The following ATP9A variants were observed in gnomAD, a reference collection of about 807,000 sequenced individuals.
The protein encoded by ATP9A is probable phospholipid-transporting ATPase IIA.
In ATP9A, 52 loss-of-function variants were observed where a neutral mutation model predicts 144.1. That is an observed-to-expected ratio of 0.36 (90% CI 0.29 to 0.45). ATP9A has a LOEUF of 0.45. Among genes scored for constraint, ATP9A ranks in the 20% least tolerant of loss-of-function variants. The pLI, the probability that ATP9A is intolerant of heterozygous loss-of-function variation, is 1.00. For missense variants in ATP9A, 947 were observed against 1,392.7 expected, an observed-to-expected ratio of 0.68 and a Z score of 5.09; for synonymous variants, 582 against 557.4, an observed-to-expected ratio of 1.04 and a Z score of -0.62.
At chr20:51,754,148 A>C (rs2077845778) in intron 1 of ATP9A, among the ~76,000 whole-genome samples, 1 of 152,138 alleles carries the variant, frequency 6.6e-6, no homozygotes, top group Non-Finnish European at 1.5e-5. Flanking sequence ...TGACAATTTA[A>C]GCTCAGTGTT....
At chr20:51,748,353 GGGA>G (rs781024159) in intron 1 of ATP9A, among the ~76,000 whole-genome samples, 34 of 152,268 alleles carry the variant, frequency 2.2e-4, no homozygotes, top group Non-Finnish European at 3.8e-4. Flanking sequence ...GAAGAGAGGA[GGGA>G]GGAGGAGAAA....
intron 1 of ATP9A, among the ~76,000 whole-genome samples, chr20:51,761,855 G>T (rs373014486): frequency 8.3e-4 from 127 of 152,208 alleles, no homozygotes; most frequent in African/African-American, 2.9e-3. Context: ...GGCCTCATGG[G>T]ACTAAAATCA....
intron 1 of ATP9A, among the ~76,000 whole-genome samples, chr20:51,763,866 CACA>C (rs1393882951): frequency 1.3e-5 from 2 of 152,124 alleles, no homozygotes; most frequent in Admixed American, 6.6e-5. Context: ...CCATCCTTGC[CACA>C]ACATCACACC....
chr20:51,741,929 G>C (rs1704066958), intron 1 of ATP9A, among the ~76,000 whole-genome samples: 1 of 152,190 alleles, frequency 6.6e-6, no homozygotes, highest in South Asian at 2.1e-4. Context: ...GAAGTATCCA[G>C]CCCAAAACGC....
In ATP9A at chr20:51,697,493, G is replaced by C. The variant is rs2077575561; in HGVS notation, c.437-11C>G. 6.2e-7 allele frequency: 1 copy of C among 1,612,504 alleles called. No homozygotes were observed. The highest frequency in any genetic ancestry group is 1.3e-5 in the African/African-American group (1 of 74,888). The stretch of plus-strand genomic sequence containing the variant: ...TCACCTTCACTGTGCCTGCAAAGCA[G>C]CAGGTTCAAGATACATCACCATCTT... On this transcript the variant is annotated splice_polypyrimidine_tract_variant and intron_variant, in intron 4 of 27. Coordinates refer to ENST00000338821, the MANE Select transcript of ATP9A (RefSeq NM_006045.3).
At chr20:51,755,233 C>T (rs913326277) in intron 1 of ATP9A, among the ~76,000 whole-genome samples, 5 of 151,208 alleles carry the variant, frequency 3.3e-5, no homozygotes, top group African/African-American at 9.7e-5. Flanking sequence ...GTCAGGAGTT[C>T]GAGACCAGCC....
Position 51,601,334 on chromosome 20 carries a change from G to A in ATP9A, c.3021C>T (p.Ile1007=), listed in dbSNP as rs778864183. The A allele has an allele frequency of 1.6e-5, 25 of 1,612,252 alleles. No individual in the cohort carries two copies. The East Asian group carries it at 1.8e-4, about 12-fold the overall frequency. The change falls in exon 28 of 28, where the codon ATC becomes ATT. Residue 1007 remains isoleucine (I), a synonymous_variant. Coordinates refer to ENST00000338821, the MANE Select transcript of ATP9A (RefSeq NM_006045.3). ...CTTTCCACAAGAATGACAAGGTGGCGATGAAGTACACATCTGCAAGGAAAG... is the reference window on the plus strand; with the variant it reads ...CTTTCCACAAGAATGACAAGGTGGCAATGAAGTACACATCTGCAAGGAAAG... ...FLHEFIDVYF[I]ATLSFLWKVS... is the part of the protein sequence containing the mutation.
chr20:51,627,170 G>A (rs960055317), intron 17 of ATP9A, among the ~76,000 whole-genome samples: 6 of 118,820 alleles, frequency 5.0e-5, no homozygotes, highest in African/African-American at 1.6e-4. Flanking sequence ...TAAGATGAAT[G>A]TTAAAAAAAA....
chr20:51,638,119 A>C (rs181388903), intron 15 of ATP9A, among the ~76,000 whole-genome samples: 1,391 of 101,438 alleles, frequency 0.014, 149 homozygotes, highest in African/African-American at 0.052. Context: ...ATATATATAT[A>C]TATATCTCAT....
chr20:51,615,705 C>T (rs138621539), intron 22 of ATP9A, among the ~76,000 whole-genome samples: 2,382 of 152,234 alleles, frequency 0.016, 29 homozygotes, highest in Non-Finnish European at 0.022. Context: ...GCACAATCTC[C>T]GCTCACTGCA....
chr20:51,608,358 C>T (rs367595537), intron 25 of ATP9A, among the ~76,000 whole-genome samples, 160 bp downstream of exon 25: 1 of 152,056 alleles, frequency 6.6e-6, no homozygotes, highest in Non-Finnish European at 1.5e-5. Context: ...ACTCCCACAC[C>T]TTCCCCCCAA....
At chr20:51,670,916 C>G (rs2077453051) in intron 12 of ATP9A, among the ~76,000 whole-genome samples, 199 bp downstream of exon 12, 1 of 152,190 alleles carries the variant, frequency 6.6e-6, no homozygotes, top group Non-Finnish European at 1.5e-5. Context: ...CGCACTGAAA[C>G]TCCCCAGAAT....
At chr20:51,641,473 G>A (rs1156414438) in intron 14 of ATP9A, among the ~76,000 whole-genome samples, 1 of 151,770 alleles carries the variant, frequency 6.6e-6, no homozygotes, top group African/African-American at 2.4e-5. Flanking sequence ...AGCCATAATG[G>A]TGCCACACTA....
chr20:51,604,701 TG>T, intron 27 of ATP9A, 115 bp downstream of exon 27: 1 of 933,798 alleles, frequency 1.1e-6, no homozygotes, highest in Non-Finnish European at 1.5e-6. Flanking sequence ...GAAGGACTGC[TG>T]GAGGAAGAGC....
In ATP9A at chr20:51,697,491, C is replaced by A. The variant is rs780712858; in HGVS notation, c.437-9G>T. On this transcript the variant is annotated splice_polypyrimidine_tract_variant and intron_variant, in intron 4 of 27. Transcript: ENST00000338821. ...CTTCACCTTCACTGTGCCTGCAAAG[C>A]AGCAGGTTCAAGATACATCACCATC... 6.2e-7 allele frequency: 1 copy of A among 1,612,942 alleles called. No homozygotes were observed. Among genetic ancestry groups the A allele is most frequent in the Admixed American group, 1.7e-5 (1 of 59,944 alleles).
intron 4 of ATP9A, among the ~76,000 whole-genome samples, chr20:51,708,677 A>C (rs1759949876): frequency 1.3e-5 from 2 of 152,200 alleles, no homozygotes; most frequent in Admixed American, 6.5e-5. Context: ...TGGAGGTTGC[A>C]GTGAGCTGAG....
intron 22 of ATP9A, among the ~76,000 whole-genome samples, chr20:51,615,092 G>A (rs2077198133): frequency 7.0e-6 from 1 of 141,984 alleles, no homozygotes; most frequent in Non-Finnish European, 1.5e-5. Context: ...GGTGCCTGGG[G>A]GGGCGGGGCG....
chr20:51,697,660 T>C (rs2077576328), intron 4 of ATP9A, among the ~76,000 whole-genome samples, 178 bp from the exon 5 acceptor site: 1 of 152,168 alleles, frequency 6.6e-6, no homozygotes, highest in Non-Finnish European at 1.5e-5. Context: ...GTTCAACCGC[T>C]ACAGAGGCCG....
At chr20:51,693,419 G>A (rs1386610873) in intron 7 of ATP9A, among the ~76,000 whole-genome samples, 1 of 152,208 alleles carries the variant, frequency 6.6e-6, no homozygotes, top group Non-Finnish European at 1.5e-5. Context: ...TGAGGTCGGA[G>A]CCTCTGCAGA....
Sources: gnomAD v4.1 joint callset for allele counts (sites outside exome capture counted in the v4.1 genomes callset) on GRCh38, gnomAD v4.1.1 for gene constraint, MANE v1.5 for transcripts, NCBI Gene and HGNC (gene_info 2026-07-23, HGNC 2026-07-21) for gene names.